The following ADGRF1 variants were observed in gnomAD, a reference collection of about 807,000 sequenced individuals.
ADGRF1 encodes G protein-coupled receptor 110.
In ADGRF1, 85 loss-of-function variants were observed where a neutral mutation model predicts 87.2. The observed-to-expected ratio is 0.97, with a 90% CI of 0.82 to 1.17. The LOEUF (loss-of-function observed/expected upper bound fraction) is 1.17. Among genes scored for constraint, ADGRF1 ranks in the 50% most tolerant of loss-of-function variants. The pLI, the probability that ADGRF1 is intolerant of heterozygous loss-of-function variation, is 0.00. For missense variants in ADGRF1, 1,169 were observed against 1,077.2 expected, an observed-to-expected ratio of 1.09 and a Z score of -1.19; for synonymous variants, 430 against 408.8, an observed-to-expected ratio of 1.05 and a Z score of -0.63.
At chr6:47,019,124 T>A (rs888109956) in intron 7 of ADGRF1, 8 of 258,126 alleles carry the variant, frequency 3.1e-5, no homozygotes, top group Non-Finnish European at 4.2e-5. Flanking sequence ...TATAGACTTG[T>A]GCCTACTTTT....
rs187247372 is a variant in ADGRF1, at chr6:47,027,695, G to A, written c.127+9C>T. 3,856 of 1,597,554 alleles carry A rather than the reference G, an allele frequency of 2.4e-3. 7 individuals are homozygous for A. The highest frequency in any genetic ancestry group is 3.0e-3 in the Non-Finnish European group (3,453 of 1,165,418). ...ATCCACTGCACCATGCTGTCTAACA[G>A]AGCCTCACCTAGATGTTTTTTCTTA... On this transcript the variant is annotated intron_variant, in intron 3 of 14. Coordinates refer to ENST00000371253, the MANE Select transcript of ADGRF1 (RefSeq NM_153840.4).
rs1460768834 is a variant in ADGRF1 at position 47,000,272 on chromosome 6, C to T, written c.2683G>A (p.Gly895Arg). 1 of 1,601,574 alleles carries T rather than the reference C, an allele frequency of 6.2e-7. No homozygotes were observed. Among genetic ancestry groups the T allele is most frequent in the East Asian group, 2.2e-5 (1 of 44,626 alleles). ...NKGHYAFSHT[G>R]DSSDNIMLTQ... The stretch of plus-strand genomic sequence containing the variant: ...AGCATGATGTTGTCGGAGGAATCTC[C>T]AGTATGAGAAAATGCATAATGGCCT... Residue 895 changes from glycine to arginine, a missense_variant, in exon 15 of 15, where the codon GGA becomes AGA. Physicochemically the swap from Gly to Arg is moderately radical, Grantham distance 125. Transcript: ENST00000371253.
intron 1 of ADGRF1, among the ~76,000 whole-genome samples, chr6:47,030,719 T>C (rs1306455252): frequency 6.6e-6 from 1 of 152,048 alleles, no homozygotes; most frequent in Non-Finnish European, 1.5e-5. Context: ...ACAGTCACAT[T>C]GCAGAGTGGG....
At chr6:47,038,876 A>C (rs1412290705) in intron 1 of ADGRF1, among the ~76,000 whole-genome samples, 5 of 152,246 alleles carry the variant, frequency 3.3e-5, no homozygotes, top group African/African-American at 1.2e-4. Context: ...AGAAATAATT[A>C]GCTTGATTAT....
chr6:47,034,971 C>G (rs1026967102), intron 1 of ADGRF1, among the ~76,000 whole-genome samples: 4 of 152,222 alleles, frequency 2.6e-5, no homozygotes, highest in African/African-American at 9.6e-5. Context: ...TTCTGTTTTT[C>G]TATTTAGTCT....
Position 46,997,942 on chromosome 6 carries a change from G to A in ADGRF1, c.*2280C>T, listed in dbSNP as rs1348948638. On this transcript the variant is annotated 3_prime_UTR_variant, in exon 15 of 15. Coordinates refer to ENST00000371253, the MANE Select transcript of ADGRF1 (RefSeq NM_153840.4). The stretch of plus-strand genomic sequence containing the variant: ...ACATTTTGGTCATTTTAAATAGTTT[G>A]GTAATTATGACTCCCAGTCGCCTAC... 6.6e-6 allele frequency: 1 copy of A among 152,080 alleles called. No individual in the cohort carries two copies. Among genetic ancestry groups the A allele is most frequent in the East Asian group, 1.9e-4 (1 of 5,196 alleles). 9.4% of individuals were successfully genotyped at this position (152,080 alleles called of 1,614,324 possible).
At chr6:47,001,664 T>C (rs972571052) in intron 13 of ADGRF1, 97 bp from the exon 14 acceptor site, 1 of 899,404 alleles carries the variant, frequency 1.1e-6, no homozygotes, top group African/African-American at 1.7e-5. Flanking sequence ...TGATTCTTTA[T>C]TTCATTTTCA....
chr6:47,020,718 T>C lies in ADGRF1; in HGVS notation c.611+13A>G, dbSNP rs1780022061. 1 of 1,612,774 alleles carries C rather than the reference T, an allele frequency of 6.2e-7. No individual in the cohort carries two copies. The highest frequency in any genetic ancestry group is 8.5e-7 in the Non-Finnish European group (1 of 1,178,752). Reference sequence around the variant, plus strand: ...TTCTGGGGATGCCCTTCTAAGACCATTGTGTTACTTACCGAAATTGGGTGA... The same window carrying C: ...TTCTGGGGATGCCCTTCTAAGACCACTGTGTTACTTACCGAAATTGGGTGA... On this transcript the variant is annotated intron_variant, in intron 7 of 14. Coordinates refer to ENST00000371253, the MANE Select transcript of ADGRF1 (RefSeq NM_153840.4).
intron 4 of ADGRF1, 104 bp downstream of exon 4, chr6:47,025,750 A>G: frequency 3.9e-6 from 4 of 1,038,226 alleles, no homozygotes; most frequent in Non-Finnish European, 5.6e-6. Context: ...CTTTTAAATC[A>G]CAGAGATTGT....
At chr6:47,040,797 T>C (rs1447477016) in intron 1 of ADGRF1, among the ~76,000 whole-genome samples, 1 of 152,222 alleles carries the variant, frequency 6.6e-6, no homozygotes, top group Non-Finnish European at 1.5e-5. Context: ...ATTTACTTTT[T>C]TAAAGAGATG....
rs1453557799 is a variant in ADGRF1 at position 47,021,959 on chromosome 6, T to C, written c.551A>G (p.Gln184Arg). Reference sequence around the variant, plus strand: ...ATATAATAAGTAGAAAGTGCTTACTTGAATTTCAATTCCATTTGCATATTT... The same window carrying C: ...ATATAATAAGTAGAAAGTGCTTACTCGAATTTCAATTCCATTTGCATATTT... ...YSKYANGIEI[Q>R]LKKAYERIQG... The change falls in exon 6 of 15, where the codon CAA (glutamine) becomes CGA (arginine). Residue 184 changes from glutamine (Q) to arginine (R), a missense_variant and splice_region_variant. Physicochemically the swap from Gln to Arg is conservative, Grantham distance 43. Transcript: ENST00000371253. 1 of 1,537,074 alleles carries C rather than the reference T, an allele frequency of 6.5e-7. No individual in the cohort carries two copies. The highest frequency in any genetic ancestry group is 8.9e-7 in the Non-Finnish European group (1 of 1,118,968).
At chr6:47,017,117 T>C (rs1273832781) in intron 7 of ADGRF1, 1 of 152,558 alleles carries the variant, frequency 6.6e-6, no homozygotes, top group African/African-American at 2.4e-5. Context: ...AGAACACTGG[T>C]GTGGAATGTC....
At chr6:47,019,797 C>T (rs1779989748) in intron 7 of ADGRF1, 1 of 984,940 alleles carries the variant, frequency 1.0e-6, no homozygotes, top group Non-Finnish European at 1.2e-6. Context: ...GCCACTTTCT[C>T]TAACAAGCAG....
chr6:47,004,527 G>A (rs1467318113), intron 13 of ADGRF1, among the ~76,000 whole-genome samples: 1 of 152,140 alleles, frequency 6.6e-6, no homozygotes, highest in African/African-American at 2.4e-5. Context: ...TTACTTGGGA[G>A]TATTTTTCCT....
Position 46,999,734 on chromosome 6 carries a change from G to A in ADGRF1, c.*488C>T, listed in dbSNP as rs1779308498. ...GCAAAAGCGAACATAAAATTCAACT[G>A]GAAAATTTGAAAGAGAAATGGTTTT... On this transcript the variant is annotated 3_prime_UTR_variant, in exon 15 of 15. Transcript: ENST00000371253. 1 of 152,514 alleles carries A rather than the reference G, an allele frequency of 6.6e-6. No individual in the cohort carries two copies. Among genetic ancestry groups the A allele is most frequent in the Non-Finnish European group, 1.5e-5 (1 of 68,328 alleles). 9.4% of individuals were successfully genotyped at this position (152,514 alleles called of 1,614,324 possible).
chr6:47,031,316 G>GTC lies in ADGRF1; in HGVS notation c.-43-2214_-43-2213dup, dbSNP rs1162690766. ...TCTGTCTGACTCTCTCTGTCTCTCT[G>GTC]TCTCTCTCTCTCTCTTCTCTCTCTC... On this transcript the variant is annotated intron_variant, in intron 1 of 14. Coordinates refer to ENST00000371253, the MANE Select transcript of ADGRF1 (RefSeq NM_153840.4). Among the ~76,000 whole-genome samples the GTC allele has an allele frequency of 1.9e-4, 18 of 94,314 alleles. No homozygotes were observed. The East Asian group carries it at 3.1e-3, about 16-fold the overall frequency. The allele number at this position is 94,314 out of a possible 152,430, so 61.9% of individuals were successfully genotyped here.
intron 7 of ADGRF1, chr6:47,017,427 G>C (rs1258069150): frequency 6.6e-6 from 1 of 152,256 alleles, no homozygotes; most frequent in Non-Finnish European, 1.5e-5. Flanking sequence ...GGAAAGAGCT[G>C]GTGGTGGCTT....
rs542409988 is a variant in ADGRF1 at position 47,042,234 on chromosome 6, C to T, written c.-87G>A. 2.0e-5 allele frequency: 3 copies of T among 152,258 alleles called. No individual in the cohort carries two copies. Among genetic ancestry groups the T allele is most frequent in the African/African-American group, 7.2e-5 (3 of 41,550 alleles). The allele number at this position is 152,258 out of a possible 1,614,324, so 9.4% of individuals were successfully genotyped here. On this transcript the variant is annotated 5_prime_UTR_variant, in exon 1 of 15. Coordinates refer to ENST00000371253, the MANE Select transcript of ADGRF1 (RefSeq NM_153840.4). ...ACACCAGAACTCGAGGGAGCCCTTCCTTCAGTATACTTGTGGCTCAATCAC... is the reference window on the plus strand; with the variant it reads ...ACACCAGAACTCGAGGGAGCCCTTCTTTCAGTATACTTGTGGCTCAATCAC...
At position 47,025,996 on chromosome 6, in the gene ADGRF1, G is replaced by A. The variant is rs368326299; in HGVS notation, c.135C>T (p.Val45=). 11 of 1,597,794 alleles carry A rather than the reference G, an allele frequency of 6.9e-6. No individual in the cohort carries two copies. The highest frequency in any genetic ancestry group is 5.4e-5 in the African/African-American group (4 of 73,450). The change falls in exon 4 of 15, where the codon GTC becomes GTT. Residue 45 remains valine, a synonymous_variant. Coordinates refer to ENST00000371253, the MANE Select transcript of ADGRF1 (RefSeq NM_153840.4). The stretch of plus-strand genomic sequence containing the variant: ...CCTGAAGCAGCAGCTGATATTCTTC[G>A]ACTGGGCCTAAAGAGAGAAAGAGAG... ...IVNKKKHLGP[V]EEYQLLLQVT... is the part of the protein sequence containing the mutation.
Sources: gnomAD v4.1 joint callset for allele counts (sites outside exome capture counted in the v4.1 genomes callset) on GRCh38, gnomAD v4.1.1 for gene constraint, MANE v1.5 for transcripts, NCBI Gene and HGNC (gene_info 2026-07-23, HGNC 2026-07-21) for gene names.